The following NANS variants were observed in gnomAD, a reference collection of about 807,000 sequenced individuals.
NANS encodes N-acetylneuraminate-9-phosphate synthase.
Under a neutral mutation model 33.3 loss-of-function variants are expected in NANS, and 29 were observed. The observed-to-expected ratio is 0.87, with a 90% CI of 0.65 to 1.19. NANS has a LOEUF of 1.19. NANS is among the 50% of genes most tolerant of loss of function. NANS has a pLI of 0.00. For missense variants in NANS, 394 were observed against 461.1 expected (o/e 0.85, Z 1.33); for synonymous variants, 163 against 177.2 (o/e 0.92, Z 0.64).
Position 98,078,354 on chromosome 9 carries a change from A to C in NANS, c.603+7A>C. ...CAACCTGCGGGTCATCTCGGTGAGC[A>C]GGAGGGAGGGGGTTCCCTTCTTGGG... On this transcript the variant is annotated splice_region_variant and intron_variant, in intron 4 of 5. Transcript: ENST00000210444. The C allele has an allele frequency of 6.2e-7, 1 of 1,613,166 alleles. No individual in the cohort carries two copies. The highest frequency in any genetic ancestry group is 8.5e-7 in the Non-Finnish European group (1 of 1,179,414).
chr9:98,073,704 TC>T (rs1829457026), intron 2 of NANS, among the ~76,000 whole-genome samples: 1 of 152,024 alleles, frequency 6.6e-6, no homozygotes, highest in Admixed American at 6.6e-5. Flanking sequence ...GATCAGCAGT[TC>T]CCAGAGTGTC....
rs752851244 is a variant in NANS at position 98,056,939 on chromosome 9, A to C, written c.131A>C (p.Lys44Thr). The C allele has an allele frequency of 1.6e-5, 26 of 1,586,070 alleles. No homozygotes were observed. The highest frequency in any genetic ancestry group is 1.7e-6 in the Non-Finnish European group (2 of 1,165,962). ...GCCAAGCGCATGATCCGCATGGCCA[A>C]GGTGAGGCGGCAGCTCCCGGGACCC... ...DVAKRMIRMA[K>T]ECGADCAKFQ... Residue 44 changes from lysine (K) to threonine (T), a missense_variant and splice_region_variant, in exon 1 of 6, where the codon AAG becomes ACG. Physicochemically the swap from Lys to Thr is moderately conservative, Grantham distance 78. Transcript: ENST00000210444.
At chr9:98,056,967 G>C in intron 1 of NANS, 27 bp downstream of exon 1, 1 of 1,551,814 alleles carries the variant, frequency 6.4e-7, no homozygotes, top group Non-Finnish European at 8.7e-7. Context: ...CGGGACCCGG[G>C]ATTCGGGCGC....
chr9:98,082,927 G>T lies in NANS; in HGVS notation c.952G>T (p.Glu318Ter). The T allele has an allele frequency of 6.2e-7, 1 of 1,614,210 alleles. No individual in the cohort carries two copies. Among genetic ancestry groups the T allele is most frequent in the South Asian group, 1.1e-5 (1 of 91,078 alleles). The change falls in exon 6 of 6, where the codon GAG (glutamate) becomes TAG (stop). Residue 318 changes from glutamate to a stop codon, truncating the protein, a stop_gained. Transcript: ENST00000210444. LOFTEE classifies it high-confidence loss of function. Reference protein sequence around the residue: ...TMDMLTVKVGEPKGYPPEDIF... With the variant: ...TMDMLTVKVG ...GGACATGCTCACCGTGAAGGTGGGT[G>T]AGCCCAAAGGCTATCCTCCTGAAGA...
chr9:98,077,576 G>A (rs1024382472), intron 3 of NANS, among the ~76,000 whole-genome samples: 1 of 151,998 alleles, frequency 6.6e-6, no homozygotes, highest in Admixed American at 6.6e-5. Context: ...AACCTAGCTG[G>A]GTATGGTGGT....
rs149077735 is a variant in NANS, at chr9:98,060,839, C to G, written c.190C>G (p.Arg64Gly). 5.0e-6 allele frequency: 8 copies of G among 1,614,136 alleles called. No individual in the cohort carries two copies. The South Asian group carries it at 7.7e-5, about 16-fold the overall frequency. Residue 64 changes from arginine (R) to glycine (G), a missense_variant, in exon 2 of 6, where the codon CGG becomes GGG. Arg to Gly is a moderately radical substitution (Grantham distance 125). Coordinates refer to ENST00000210444, the MANE Select transcript of NANS (RefSeq NM_018946.4). ...GAGTGAGCTAGAATTCAAGTTTAAT[C>G]GGAAAGCCTTGGAGAGGCCATACAC... ...QKSELEFKFN[R>G]KALERPYTSK... is the part of the protein sequence containing the mutation.
chr9:98,068,130 A>C (rs539751486), intron 2 of NANS, among the ~76,000 whole-genome samples: 31 of 151,942 alleles, frequency 2.0e-4, no homozygotes, highest in Non-Finnish European at 3.5e-4. Flanking sequence ...ATGTTTAAAA[A>C]TTTCTCATTT....
chr9:98,076,131 C>T (rs1239551848), intron 2 of NANS: 1 of 152,174 alleles, frequency 6.6e-6, no homozygotes, highest in East Asian at 1.9e-4. Flanking sequence ...TGGGCCCTGC[C>T]AGCCATGGAT....
In NANS at chr9:98,080,926, C is replaced by G. The variant is rs1231673268; in HGVS notation, c.714C>G (p.His238Gln). 6.2e-7 allele frequency: 1 copy of G among 1,614,230 alleles called. No individual in the cohort carries two copies. ...TGGGGGCCAAGGTGTTGGAACGTCACATAACTTTGGACAAGACCTGGAAGG... is the reference window on the plus strand; with the variant it reads ...TGGGGGCCAAGGTGTTGGAACGTCAGATAACTTTGGACAAGACCTGGAAGG... ...VALGAKVLER[H>Q]ITLDKTWKGS... The change falls in exon 5 of 6, where the codon CAC (histidine) becomes CAG (glutamine). Residue 238 changes from histidine (H) to glutamine (Q), a missense_variant. By Grantham distance (24) the His-to-Gln change is conservative. Coordinates refer to ENST00000210444, the MANE Select transcript of NANS (RefSeq NM_018946.4).
chr9:98,071,427 C>A (rs7021059), intron 2 of NANS, among the ~76,000 whole-genome samples: 2,101 of 152,348 alleles, frequency 0.014, 52 homozygotes, highest in African/African-American at 0.048. Flanking sequence ...GTTATTTAAC[C>A]TTTTTGTGCC....
intron 2 of NANS, among the ~76,000 whole-genome samples, chr9:98,072,856 C>G (rs1350971233): frequency 6.6e-6 from 1 of 152,108 alleles, no homozygotes; most frequent in Non-Finnish European, 1.5e-5. Context: ...TAGAAACAGG[C>G]ATTTATTGAA....
In NANS at chr9:98,077,154, G is replaced by T. The variant is rs566527216; in HGVS notation, c.448+137G>T. The stretch of plus-strand genomic sequence containing the variant: ...TTTTCATTTTTTTAAATAGAGATAG[G>T]GTCTCGCTGTGTTGGCCAGGTTGGT... On this transcript the variant is annotated intron_variant, in intron 3 of 5. Transcript: ENST00000210444. The T allele has an allele frequency of 8.9e-5, 59 of 662,410 alleles. No homozygotes were observed. The African/African-American group carries it at 9.8e-4, about 11-fold the overall frequency. The allele number at this position is 662,410 out of a possible 1,614,324, so 41.0% of individuals were successfully genotyped here.
At chr9:98,061,595 C>T (rs1828981425) in intron 2 of NANS, among the ~76,000 whole-genome samples, 1 of 150,082 alleles carries the variant, frequency 6.7e-6, no homozygotes, top group African/African-American at 2.5e-5. Flanking sequence ...TCCTGGCCAA[C>T]ATGGTGAAAC....
At chr9:98,061,475 T>G (rs1227119227) in intron 2 of NANS, among the ~76,000 whole-genome samples, 1 of 101,150 alleles carries the variant, frequency 9.9e-6, no homozygotes, top group Non-Finnish European at 1.9e-5. Context: ...AGAGTCCATC[T>G]CAAATTAAAA....
In NANS at chr9:98,060,935, A is replaced by T; in HGVS notation, c.286A>T (p.Arg96Trp). 6.2e-7 allele frequency: 1 copy of T among 1,614,220 alleles called. No individual in the cohort carries two copies. The highest frequency in any genetic ancestry group is 8.5e-7 in the Non-Finnish European group (1 of 1,180,044). ...TCTGGAGTTCAGCCATGACCAGTAC[A>T]GGGAGCTGCAGAGGTACGCCGAGGA... ...RHLEFSHDQY[R>W]ELQRYAEEVG... The change falls in exon 2 of 6, where the codon AGG (arginine) becomes TGG (tryptophan). Residue 96 changes from arginine to tryptophan, a missense_variant. Physicochemically the swap from Arg to Trp is moderately radical, Grantham distance 101. Transcript: ENST00000210444.
chr9:98,060,927 A>C lies in NANS; in HGVS notation c.278A>C (p.Asp93Ala), dbSNP rs142052465. The C allele has an allele frequency of 3.8e-4, 617 of 1,614,196 alleles. No homozygotes were observed. Among genetic ancestry groups the C allele is most frequent in the Non-Finnish European group, 5.0e-4 (587 of 1,180,046 alleles). Residue 93 changes from aspartate to alanine, a missense_variant, in exon 2 of 6, where the codon GAC becomes GCC. Physicochemically the swap from Asp to Ala is moderately radical, Grantham distance 126 (BLOSUM62 -2). Coordinates refer to ENST00000210444, the MANE Select transcript of NANS (RefSeq NM_018946.4). Reference protein sequence around the residue: ...EHKRHLEFSHDQYRELQRYAE... With the variant: ...EHKRHLEFSHAQYRELQRYAE... ...AAACGACATCTGGAGTTCAGCCATG[A>C]CCAGTACAGGGAGCTGCAGAGGTAC...
intron 3 of NANS, 98 bp from the exon 4 acceptor site, chr9:98,078,095 A>G: frequency 6.5e-7 from 1 of 1,531,346 alleles, no homozygotes; most frequent in Non-Finnish European, 9.0e-7. Flanking sequence ...ATGTCTGTGG[A>G]GTTCAGTTGA....
chr9:98,064,882 T>C (rs978313185), intron 2 of NANS, among the ~76,000 whole-genome samples: 3 of 152,306 alleles, frequency 2.0e-5, no homozygotes, highest in East Asian at 3.9e-4. Context: ...AAGACTGAAG[T>C]TGGCTGGAGA....
intron 2 of NANS, among the ~76,000 whole-genome samples, chr9:98,072,452 C>G (rs1229334635): frequency 6.6e-6 from 1 of 151,276 alleles, no homozygotes; most frequent in Non-Finnish European, 1.5e-5. Flanking sequence ...CGCTGTGTCG[C>G]CCAAGCTGGA....
Sources: gnomAD v4.1 joint callset for allele counts (sites outside exome capture counted in the v4.1 genomes callset) on GRCh38, gnomAD v4.1.1 for gene constraint, MANE v1.5 for transcripts, NCBI Gene and HGNC (gene_info 2026-07-23, HGNC 2026-07-21) for gene names.